AHI1: variants seen among roughly 807,000 people sequenced by gnomAD.
The protein encoded by AHI1 is Abelson helper integration site 1.
In AHI1, 123 loss-of-function variants were observed where a neutral mutation model predicts 149.3. The observed-to-expected ratio is 0.82, with a 90% confidence interval of 0.71 to 0.96. The LOEUF is 0.96. Among genes scored for constraint, AHI1 ranks in the 40% least tolerant of loss-of-function variants. AHI1 has a pLI of 0.00. For synonymous variants in AHI1, 475 were observed against 459.8 expected (o/e 1.03, Z -0.42); for missense variants, 1,439 against 1,422.7 (o/e 1.01, Z -0.18).
intron 25 of AHI1, among the ~76,000 whole-genome samples, chr6:135,321,803 C>CT (rs1391716095): frequency 5.3e-5 from 8 of 152,084 alleles, no homozygotes; most frequent in Admixed American, 2.0e-4. Flanking sequence ...TATACTACAA[C>CT]TTTTTTTTCT....
intron 2 of AHI1, among the ~76,000 whole-genome samples, chr6:135,496,490 C>CA (rs1795984058): frequency 6.6e-6 from 1 of 152,046 alleles, no homozygotes; most frequent in East Asian, 1.9e-4. Flanking sequence ...GTAACCTCTG[C>CA]AAAAAATCAG....
chr6:135,395,633 C>T (rs929381844), intron 22 of AHI1, among the ~76,000 whole-genome samples: 3 of 151,704 alleles, frequency 2.0e-5, no homozygotes, highest in East Asian at 1.9e-4. Flanking sequence ...GCAAATTCAT[C>T]TTGTAAATCA....
intron 25 of AHI1, among the ~76,000 whole-genome samples, chr6:135,320,691 A>G (rs947759453): frequency 2.0e-5 from 3 of 152,242 alleles, no homozygotes; most frequent in African/African-American, 7.2e-5. Context: ...AAATTAAAGC[A>G]CTTAATCCCA....
chr6:135,489,090 TTCC>T (rs1456602675), intron 5 of AHI1, among the ~76,000 whole-genome samples: 1 of 152,202 alleles, frequency 6.6e-6, no homozygotes, highest in African/African-American at 2.4e-5. Context: ...CCTCTTTTAC[TTCC>T]TCAAGTTAAT....
intron 23 of AHI1, among the ~76,000 whole-genome samples, chr6:135,380,640 AG>A (rs1411252828): frequency 6.6e-6 from 1 of 151,912 alleles, no homozygotes; most frequent in African/African-American, 2.4e-5. Context: ...GGACACTGTA[AG>A]TATGCACTGG....
chr6:135,448,736 A>G (rs1787629225), intron 11 of AHI1, among the ~76,000 whole-genome samples: 1 of 152,328 alleles, frequency 6.6e-6, no homozygotes, highest in Middle Eastern at 3.4e-3. Flanking sequence ...CTGTCGGTAC[A>G]GCATTTACAT....
intron 5 of AHI1, among the ~76,000 whole-genome samples, chr6:135,482,211 T>A (rs1045071941): frequency 6.6e-6 from 1 of 152,108 alleles, no homozygotes; most frequent in South Asian, 2.1e-4. Flanking sequence ...GTCCTATAGG[T>A]CATTGGTGTT....
intron 5 of AHI1, among the ~76,000 whole-genome samples, chr6:135,472,643 C>G (rs549179671): frequency 1.3e-5 from 2 of 152,178 alleles, no homozygotes; most frequent in Non-Finnish European, 2.9e-5. Flanking sequence ...TACTTACCAT[C>G]CTTGTTTGCA....
intron 23 of AHI1, among the ~76,000 whole-genome samples, chr6:135,383,395 A>G (rs1777146967): frequency 6.6e-6 from 1 of 151,608 alleles, no homozygotes; most frequent in South Asian, 2.1e-4. Context: ...CCACTCCTGG[A>G]TAATTAAAAA....
At position 135,491,330 on chromosome 6, in the gene AHI1, TC is replaced by T. The variant is rs1795217458; in HGVS notation, c.11-584del. Among the ~76,000 whole-genome samples the T allele has an allele frequency of 2.6e-5, 4 of 152,226 alleles. No individual in the cohort carries two copies. In the South Asian group the frequency reaches 8.3e-4, roughly 32 times the overall value. ...CCAGGGCTTCAAATCAAGACAAATA[TC>T]CCCTTAGATGCCTATGTTCTAGCTA... On this transcript the variant is annotated intron_variant, in intron 4 of 28. Transcript: ENST00000265602.
intron 24 of AHI1, among the ~76,000 whole-genome samples, chr6:135,340,076 A>G (rs936498674): frequency 2.0e-5 from 3 of 152,232 alleles, no homozygotes; most frequent in African/African-American, 7.2e-5. Flanking sequence ...CTTTAAAAAA[A>G]GAAAAAAGGA....
At chr6:135,309,857 A>G (rs148137211) in intron 26 of AHI1, among the ~76,000 whole-genome samples, 2 of 152,326 alleles carry the variant, frequency 1.3e-5, no homozygotes, top group East Asian at 3.9e-4. Context: ...ATACAAAGTT[A>G]GTTTTGATTC....
chr6:135,428,786 G>T (rs1253134987), intron 18 of AHI1, 27 bp from the exon 19 acceptor site: 2 of 1,574,962 alleles, frequency 1.3e-6, no homozygotes, highest in Admixed American at 1.8e-5. Context: ...TTTTACAAAT[G>T]TAACTGTCTT....
At chr6:135,338,232 G>T (rs1269717739) in intron 24 of AHI1, among the ~76,000 whole-genome samples, 1 of 150,906 alleles carries the variant, frequency 6.6e-6, no homozygotes, top group African/African-American at 2.4e-5. Flanking sequence ...CCTGGGAGGC[G>T]GAGGTTGCAG....
In AHI1 at chr6:135,333,309, T is replaced by A. The variant is rs574816443; in HGVS notation, c.3166-9985A>T. Among the ~76,000 whole-genome samples the A allele has an allele frequency of 1.8e-3, 280 of 152,302 alleles. 1 individual carries two copies. The highest frequency in any genetic ancestry group is 6.5e-3 in the African/African-American group (272 of 41,568). ...AAATCCTGAATTGTACAGAAGCACATTATTAAATATTAAAATGCTTCCTTT... is the reference window on the plus strand; with the variant it reads ...AAATCCTGAATTGTACAGAAGCACAATATTAAATATTAAAATGCTTCCTTT... On this transcript the variant is annotated intron_variant, in intron 24 of 28. Transcript: ENST00000265602.
At position 135,295,922 on chromosome 6, in the gene AHI1, G is replaced by A. The variant is rs374648633; in HGVS notation, c.3485+4578C>T. On this transcript the variant is annotated intron_variant, in intron 27 of 28. Transcript: ENST00000265602. ...GGCTGGAGTGCAGTGGCACGATCTCGGCTCACTGCAATCTCCACCTCCCGG... is the reference window on the plus strand; with the variant it reads ...GGCTGGAGTGCAGTGGCACGATCTCAGCTCACTGCAATCTCCACCTCCCGG... Among the ~76,000 whole-genome samples, 7 of 152,002 alleles carry A rather than the reference G, an allele frequency of 4.6e-5. No individual in the cohort carries two copies. The East Asian group carries it at 7.7e-4, about 17-fold the overall frequency.
intron 18 of AHI1, 127 bp from the exon 19 acceptor site, chr6:135,428,886 G>T (rs943462163): frequency 3.8e-6 from 3 of 794,462 alleles, no homozygotes; most frequent in Non-Finnish European, 5.7e-6. Flanking sequence ...TGCCATATGG[G>T]AGACATTCTA....
intron 23 of AHI1, among the ~76,000 whole-genome samples, chr6:135,390,945 T>C (rs1778396573): frequency 6.6e-6 from 1 of 152,234 alleles, no homozygotes; most frequent in African/African-American, 2.4e-5. Context: ...AGATGTTTAC[T>C]ACATGGTAAG....
At chr6:135,453,016 T>G (rs1788372130) in intron 11 of AHI1, among the ~76,000 whole-genome samples, 1 of 152,244 alleles carries the variant, frequency 6.6e-6, no homozygotes, top group African/African-American at 2.4e-5. Context: ...TCAAGGAATT[T>G]GTCATCTTTG....
Sources: gnomAD v4.1 joint callset for allele counts (sites outside exome capture counted in the v4.1 genomes callset) on GRCh38, gnomAD v4.1.1 for gene constraint, MANE v1.5 for transcripts, NCBI Gene and HGNC (gene_info 2026-07-23, HGNC 2026-07-21) for gene names.